Variants in PCLO observed in about 807,000 individuals in gnomAD.
The protein encoded by PCLO is protein piccolo.
PCLO carries 82 observed loss-of-function variants against 427.5 expected under a neutral mutation model. That is an observed-to-expected ratio of 0.19 (90% CI 0.16 to 0.23). PCLO has a LOEUF of 0.23. Ranked by LOEUF, PCLO falls within the 10% of genes least tolerant of loss-of-function variation. The pLI is 1.00. For missense variants in PCLO, 6,239 were observed against 6,115.9 expected (o/e 1.02, Z -0.67); for synonymous variants, 2,357 against 2,155.4 (o/e 1.09, Z -2.59).
At chr7:82,776,939 C>T (rs944101528) in intron 22 of PCLO, among the ~76,000 whole-genome samples, 2 of 151,654 alleles carry the variant, frequency 1.3e-5, no homozygotes, top group Non-Finnish European at 2.9e-5. Context: ...CACATACACA[C>T]ATACATATAT....
intron 21 of PCLO, among the ~76,000 whole-genome samples, chr7:82,804,886 C>G (rs750535603): frequency 3.9e-5 from 6 of 152,098 alleles, no homozygotes; most frequent in Non-Finnish European, 8.8e-5. Context: ...CTGGCGTAAA[C>G]CCTGGGACCT....
chr7:82,846,395 C>T (rs1792502584), intron 12 of PCLO, among the ~76,000 whole-genome samples, 172 bp downstream of exon 12: 1 of 151,992 alleles, frequency 6.6e-6, no homozygotes, highest in South Asian at 2.1e-4. Context: ...AGCTACAATG[C>T]CCTAGATTTT....
In PCLO at chr7:83,134,525, C is replaced by T. The variant is rs1480973431; in HGVS notation, c.3025G>A (p.Glu1009Lys). Residue 1009 changes from glutamate (E) to lysine (K), a missense_variant, in exon 3 of 25, where the codon GAG becomes AAG. Around this residue, in one of 5 missense-constraint regions of PCLO, gnomAD observed 4,677 missense variants for 4,468.4 expected, o/e 1.05. Coordinates refer to ENST00000333891, the MANE Select transcript of PCLO (RefSeq NM_033026.6). Reference sequence around the variant, plus strand: ...GTTGGAGCTTGTTCAGCTTTGGGCTCTAATTTTTCAGCTGCTGGGGCTTTT... The same window carrying T: ...GTTGGAGCTTGTTCAGCTTTGGGCTTTAATTTTTCAGCTGCTGGGGCTTTT... ...ETKAPAAEKL[E>K]PKAEQAPTVK... is the part of the protein sequence containing the mutation. 6.2e-7 allele frequency: 1 copy of T among 1,613,722 alleles called. No homozygotes were observed. The highest frequency in any genetic ancestry group is 1.3e-5 in the African/African-American group (1 of 74,862).
At chr7:82,841,657 G>A (rs1487742043) in intron 13 of PCLO, 148 bp from the exon 14 acceptor site, 2 of 603,716 alleles carry the variant, frequency 3.3e-6, no homozygotes, top group African/African-American at 1.9e-5. Context: ...CAGAATAATG[G>A]TGTCTACTTA....
At chr7:82,942,381 A>AT (rs1321730931) in intron 6 of PCLO, among the ~76,000 whole-genome samples, 2 of 151,976 alleles carry the variant, frequency 1.3e-5, no homozygotes, top group East Asian at 1.9e-4. Context: ...TAAGAATACA[A>AT]TTTTTTTCTT....
chr7:83,070,711 T>C (rs989018171), intron 3 of PCLO, among the ~76,000 whole-genome samples: 1 of 152,108 alleles, frequency 6.6e-6, no homozygotes, highest in African/African-American at 2.4e-5. Flanking sequence ...TACACAGTAA[T>C]TTGTTACACA....
chr7:83,124,541 G>A (rs1791375842), intron 3 of PCLO, among the ~76,000 whole-genome samples: 1 of 152,000 alleles, frequency 6.6e-6, no homozygotes, highest in Non-Finnish European at 1.5e-5. Context: ...GGAGAAAGGT[G>A]AGCCCTCACA....
chr7:83,062,646 C>T (rs1331734730), intron 3 of PCLO, among the ~76,000 whole-genome samples: 1 of 152,108 alleles, frequency 6.6e-6, no homozygotes, highest in Non-Finnish European at 1.5e-5. Flanking sequence ...AGATTCAATA[C>T]CACCCTATTT....
Position 82,822,514 on chromosome 7 carries a change from T to C in PCLO, c.14772A>G (p.Gln4924=). 1 of 1,613,838 alleles carries C rather than the reference T, an allele frequency of 6.2e-7. No individual in the cohort carries two copies. The highest frequency in any genetic ancestry group is 8.5e-7 in the Non-Finnish European group (1 of 1,179,822). Residue 4924 remains glutamine, a synonymous_variant, in exon 20 of 25, where the codon CAA becomes CAG. Coordinates refer to ENST00000333891, the MANE Select transcript of PCLO (RefSeq NM_033026.6). The stretch of plus-strand genomic sequence containing the variant: ...TTTTACTTGGTTGAATGCGGAGTTG[T>C]TGCACGGCAGCTTCGGCAGCAGCTA... The part of the protein sequence containing the change: ...AAIAAAEAAV[Q]QLRIQPTKPP...
chr7:82,822,350 A>G (rs1372014418), intron 20 of PCLO, 145 bp downstream of exon 20: 9 of 1,510,536 alleles, frequency 6.0e-6, no homozygotes, highest in African/African-American at 1.4e-5. Context: ...ATGTATTTAT[A>G]TCGTTCTTAC....
At chr7:82,882,863 G>C (rs1028106795) in intron 9 of PCLO, among the ~76,000 whole-genome samples, 1 of 151,976 alleles carries the variant, frequency 6.6e-6, no homozygotes, top group Non-Finnish European at 1.5e-5. Context: ...TAAATTTACA[G>C]ATTACATCTA....
intron 3 of PCLO, among the ~76,000 whole-genome samples, chr7:83,106,389 C>T (rs952290063): frequency 1.3e-5 from 2 of 152,166 alleles, no homozygotes; most frequent in Non-Finnish European, 2.9e-5. Context: ...GTGTCCATCA[C>T]AAGAGGCTTG....
chr7:82,886,975 C>A (rs1162041859), intron 9 of PCLO, among the ~76,000 whole-genome samples: 1 of 151,986 alleles, frequency 6.6e-6, no homozygotes, highest in Non-Finnish European at 1.5e-5. Context: ...TGTTTTTGTG[C>A]CAATATTATT....
At chr7:82,820,798 T>A (rs1034492196) in intron 20 of PCLO, 6 of 1,230,940 alleles carry the variant, frequency 4.9e-6, no homozygotes, top group Admixed American at 8.4e-5. Flanking sequence ...GAAACATATT[T>A]ATAGTCATGC....
chr7:82,892,441 G>T (rs1793792451), intron 9 of PCLO, among the ~76,000 whole-genome samples: 1 of 152,146 alleles, frequency 6.6e-6, no homozygotes, highest in Non-Finnish European at 1.5e-5. Flanking sequence ...ATGGATTAAA[G>T]ACGTGCATGT....
At chr7:82,999,194 A>T (rs191451177) in intron 3 of PCLO, among the ~76,000 whole-genome samples, 5 of 146,264 alleles carry the variant, frequency 3.4e-5, no homozygotes, top group Non-Finnish European at 7.5e-5. Context: ...AATATTCCAG[A>T]ATTGTGGGAT....
At chr7:83,044,899 A>T (rs529161725) in intron 3 of PCLO, among the ~76,000 whole-genome samples, 1 of 152,264 alleles carries the variant, frequency 6.6e-6, no homozygotes, top group East Asian at 1.9e-4. Flanking sequence ...TAGAGGAAAT[A>T]TTTCTTTTGT....
intron 3 of PCLO, among the ~76,000 whole-genome samples, chr7:83,066,445 C>T (rs1404118206): frequency 6.6e-6 from 1 of 152,076 alleles, no homozygotes; most frequent in Non-Finnish European, 1.5e-5. Flanking sequence ...CATACATGTA[C>T]ACCTGCATGA....
chr7:83,006,729 C>T (rs12113820), intron 3 of PCLO, among the ~76,000 whole-genome samples: 94,724 of 151,118 alleles, frequency 0.63, 31,241 homozygotes, highest in East Asian at 0.86. Flanking sequence ...GATGGAAATT[C>T]CTACAAGTTA....
Sources: gnomAD v4.1 joint callset for allele counts (sites outside exome capture counted in the v4.1 genomes callset) on GRCh38, gnomAD v4.1.1 for gene constraint, gnomAD v4.1.1 regional missense constraint, MANE v1.5 for transcripts, NCBI Gene and HGNC (gene_info 2026-07-23, HGNC 2026-07-21) for gene names.